The following CAST variants were observed in gnomAD, a reference collection of about 807,000 sequenced individuals.
CAST encodes the protein MIR583 host.
CAST carries 76 observed loss-of-function variants against 119.6 expected under a neutral mutation model. The observed-to-expected ratio is 0.64, with a 90% confidence interval of 0.53 to 0.77. CAST has a LOEUF of 0.77. Among genes scored for constraint, CAST ranks in the 30% least tolerant of loss-of-function variants. The probability of loss-of-function intolerance (pLI) is 0.00; values close to 1 mark genes in which losing one functional copy is unlikely to be tolerated. For synonymous variants in CAST, 319 were observed against 331.6 expected, an observed-to-expected ratio of 0.96 and a Z score of 0.41; for missense variants, 953 against 946.5, an observed-to-expected ratio of 1.01 and a Z score of -0.09.
intron 1 of CAST, among the ~76,000 whole-genome samples, chr5:96,637,305 C>T (rs2150202739): frequency 6.6e-6 from 1 of 152,202 alleles, no homozygotes; most frequent in East Asian, 1.9e-4. Context: ...ACAGGGAGGC[C>T]AGGTAGCTTG....
intron 1 of CAST, among the ~76,000 whole-genome samples, chr5:96,572,464 G>C (rs181796598): frequency 9.7e-4 from 148 of 152,300 alleles, no homozygotes; most frequent in African/African-American, 3.3e-3. Context: ...GCCTCCCAAA[G>C]TGCTGAGATT....
chr5:96,607,874 T>C (rs1285943240), intron 1 of CAST, among the ~76,000 whole-genome samples: 1 of 152,210 alleles, frequency 6.6e-6, no homozygotes, highest in African/African-American at 2.4e-5. Flanking sequence ...GGGTACATTG[T>C]GATGGCTCAG....
the CAST span, among the ~76,000 whole-genome samples, chr5:96,502,684 G>A: frequency 8.6e-5 from 12 of 139,836 alleles, no homozygotes; most frequent in East Asian, 2.2e-3. Context: ...TCTAAACATT[G>A]ACCTCTATCT....
At chr5:96,666,133 C>T (rs1317879231) in intron 1 of CAST, among the ~76,000 whole-genome samples, 3 of 152,164 alleles carry the variant, frequency 2.0e-5, no homozygotes, top group Admixed American at 6.5e-5. Flanking sequence ...AGACATGTCT[C>T]AGATGTGTTC....
intron 1 of CAST, among the ~76,000 whole-genome samples, chr5:96,559,283 T>C (rs1746308537): frequency 6.6e-6 from 1 of 152,186 alleles, no homozygotes; most frequent in South Asian, 2.1e-4. Flanking sequence ...AAGCATTCCC[T>C]TTGAAAACTG....
chr5:95,999,292 AC>A, the CAST span, among the ~76,000 whole-genome samples: 1 of 152,104 alleles, frequency 6.6e-6, no homozygotes, highest in Non-Finnish European at 1.5e-5. Flanking sequence ...GTCATCCATG[AC>A]ATAACATTTA....
In CAST at chr5:96,582,784, A is replaced by G. The variant is rs185396576; in HGVS notation, c.60+52904A>G. 4.4e-3 allele frequency among the ~76,000 whole-genome samples: 675 copies of G among 152,368 alleles called. 2 individuals carry two copies. Among genetic ancestry groups the G allele is most frequent in the Non-Finnish European group, 7.2e-3 (487 of 68,024 alleles). ...AAAAACTAATTAAAAACCAGAAAAC[A>G]CATTCAATGGAATATATGCCAAGTT... On this transcript the variant is annotated intron_variant, in intron 1 of 11. Transcript: ENST00000505143.
At chr5:96,377,018 AAAAC>A in the CAST span, among the ~76,000 whole-genome samples, 197 of 152,258 alleles carry the variant, frequency 1.3e-3, 1 homozygote, top group African/African-American at 4.4e-3. Flanking sequence ...ATTAAAAAGT[AAAAC>A]AAAATAAATA....
chr5:96,542,481 G>T (rs1194242531), intron 1 of CAST, among the ~76,000 whole-genome samples: 1 of 151,970 alleles, frequency 6.6e-6, no homozygotes, highest in African/African-American at 2.4e-5. Flanking sequence ...TATTCTAATG[G>T]GTGTGTAGTG....
At chr5:96,399,971 T>C in the CAST span, 1 of 1,613,504 alleles carries the variant, frequency 6.2e-7, no homozygotes, top group African/African-American at 1.3e-5. Flanking sequence ...AAAGTCATTG[T>C]CCTTTACAAC....
chr5:95,974,478 G>A, the CAST span, among the ~76,000 whole-genome samples: 1 of 152,154 alleles, frequency 6.6e-6, no homozygotes, highest in Non-Finnish European at 1.5e-5. Context: ...AAACAAACAA[G>A]CAAGGTAACT....
At chr5:96,446,240 G>C in the CAST span, among the ~76,000 whole-genome samples, 1 of 149,780 alleles carries the variant, frequency 6.7e-6, no homozygotes, top group African/African-American at 2.4e-5. Flanking sequence ...CCCCTCATTT[G>C]GTCTACATAA....
At chr5:96,503,415 TG>T in the CAST span, among the ~76,000 whole-genome samples, 4 of 152,206 alleles carry the variant, frequency 2.6e-5, no homozygotes. Context: ...CTTTTTTCTT[TG>T]GCTGTGAAGA....
the CAST span, among the ~76,000 whole-genome samples, chr5:95,986,816 C>G: frequency 6.6e-6 from 1 of 152,144 alleles, no homozygotes; most frequent in African/African-American, 2.4e-5. Flanking sequence ...CCCAAATCTA[C>G]TTTTATTCAT....
At chr5:96,378,714 G>A in the CAST span, among the ~76,000 whole-genome samples, 19 of 151,978 alleles carry the variant, frequency 1.3e-4, no homozygotes, top group African/African-American at 3.1e-4. Context: ...GCAAATTGCC[G>A]TAAAGAAAAA....
chr5:96,725,483 C>A (rs536382014), intron 4 of CAST, among the ~76,000 whole-genome samples: 2 of 152,308 alleles, frequency 1.3e-5, no homozygotes, highest in South Asian at 4.1e-4. Context: ...GCTCTAAACT[C>A]AATTTCTCAT....
At chr5:96,339,919 G>T in the CAST span, among the ~76,000 whole-genome samples, 1 of 152,096 alleles carries the variant, frequency 6.6e-6, no homozygotes, top group Non-Finnish European at 1.5e-5. Context: ...AGGTAGACAG[G>T]CTATAGGTGG....
the CAST span, among the ~76,000 whole-genome samples, chr5:96,332,518 G>A: frequency 1.3e-5 from 2 of 151,988 alleles, no homozygotes; most frequent in Non-Finnish European, 2.9e-5. Flanking sequence ...AAAAATGGTT[G>A]TGTACGTCTA....
chr5:96,103,173 A>G, the CAST span, among the ~76,000 whole-genome samples: 533 of 152,290 alleles, frequency 3.5e-3, 2 homozygotes, highest in African/African-American at 4.5e-3. Flanking sequence ...ATGATTAAAC[A>G]TATTATCAAG....
Sources: allele counts gnomAD v4.1 joint callset (sites outside exome capture counted in the v4.1 genomes callset), GRCh38; gene constraint gnomAD v4.1.1; transcripts MANE v1.5; gene names NCBI Gene and HGNC (gene_info 2026-07-23, HGNC 2026-07-21).